The following SLC35D4 variants were observed in gnomAD, a reference collection of about 807,000 sequenced individuals.
The protein encoded by SLC35D4 is solute carrier family 35 member D4, also known as UDP-N-acetylglucosamine transporter SLC35D4.
At chr18:23,351,843 C>T in the SLC35D4 span, among the ~76,000 whole-genome samples, 3 of 152,304 alleles carry the variant, frequency 2.0e-5, no homozygotes, top group South Asian at 6.2e-4. Context: ...TCTAAGGTTT[C>T]ATAGAAATGC....
At chr18:23,349,664 T>C in the SLC35D4 span, among the ~76,000 whole-genome samples, 1 of 152,182 alleles carries the variant, frequency 6.6e-6, no homozygotes, top group Non-Finnish European at 1.5e-5. Flanking sequence ...AAAGCCTATT[T>C]TTTTAGATTG....
At chr18:23,351,450 A>G in the SLC35D4 span, among the ~76,000 whole-genome samples, 4 of 152,010 alleles carry the variant, frequency 2.6e-5, no homozygotes, top group Admixed American at 2.0e-4. Flanking sequence ...AAAAAAATGC[A>G]TGGGGGTGAA....
At chr18:23,250,113 G>C in the SLC35D4 span, among the ~76,000 whole-genome samples, 9 of 152,192 alleles carry the variant, frequency 5.9e-5, no homozygotes, top group African/African-American at 2.2e-4. Flanking sequence ...TGGTTGCTGC[G>C]AGGAGAGATC....
chr18:23,275,273 C>T, the SLC35D4 span, among the ~76,000 whole-genome samples: 1 of 152,132 alleles, frequency 6.6e-6, no homozygotes, highest in African/African-American at 2.4e-5. Flanking sequence ...ACCTTGGGCG[C>T]CTCCAGATTT....
the SLC35D4 span, among the ~76,000 whole-genome samples, chr18:23,389,926 C>A: frequency 5.9e-5 from 9 of 152,158 alleles, no homozygotes; most frequent in Non-Finnish European, 1.3e-4. Context: ...GTTCAGGAAA[C>A]CCCTAGTGAC....
the SLC35D4 span, among the ~76,000 whole-genome samples, chr18:23,340,432 G>A: frequency 7.2e-5 from 11 of 152,244 alleles, no homozygotes; most frequent in Admixed American, 6.5e-4. Context: ...AAGGGATAGG[G>A]GAGGCAAGTG....
At chr18:23,421,712 C>T in the SLC35D4 span, among the ~76,000 whole-genome samples, 61 of 147,664 alleles carry the variant, frequency 4.1e-4, no homozygotes, top group Admixed American at 1.8e-3. Flanking sequence ...AGTTTCGCTC[C>T]GTCGCCCAGG....
chr18:23,309,424 G>C, the SLC35D4 span, among the ~76,000 whole-genome samples: 1 of 152,012 alleles, frequency 6.6e-6, no homozygotes, highest in Non-Finnish European at 1.5e-5. Flanking sequence ...GCTGGTTATG[G>C]TATACAGAAT....
the SLC35D4 span, among the ~76,000 whole-genome samples, chr18:23,428,564 C>G: frequency 1.3e-5 from 2 of 152,142 alleles, no homozygotes; most frequent in African/African-American, 4.8e-5. Context: ...GTCACCCAAG[C>G]TGGAGTACAG....
At chr18:23,358,163 G>A in the SLC35D4 span, among the ~76,000 whole-genome samples, 1 of 152,224 alleles carries the variant, frequency 6.6e-6, no homozygotes, top group Non-Finnish European at 1.5e-5. Flanking sequence ...CTCTTTGGCA[G>A]CTGTGTGCTC....
At chr18:23,266,597 C>T in the SLC35D4 span, among the ~76,000 whole-genome samples, 110 of 152,320 alleles carry the variant, frequency 7.2e-4, 1 homozygote, top group African/African-American at 2.6e-3. Context: ...CTTGAAGAGG[C>T]ACAGTGGTCT....
chr18:23,425,167 C>G, the SLC35D4 span, among the ~76,000 whole-genome samples: 1 of 152,132 alleles, frequency 6.6e-6, no homozygotes, highest in African/African-American at 2.4e-5. Context: ...GTGGCATGAT[C>G]TCAGTTCATT....
At chr18:23,354,833 G>A in the SLC35D4 span, among the ~76,000 whole-genome samples, 20 of 152,156 alleles carry the variant, frequency 1.3e-4, no homozygotes, top group Non-Finnish European at 2.5e-4. Flanking sequence ...CTTTTGCATC[G>A]CTTAACTTCT....
chr18:23,280,243 G>A, the SLC35D4 span, among the ~76,000 whole-genome samples: 1 of 152,256 alleles, frequency 6.6e-6, no homozygotes, highest in Non-Finnish European at 1.5e-5. Flanking sequence ...TGGGGACCAA[G>A]CCCAGCACAA....
At chr18:23,246,580 ATGG>A in the SLC35D4 span, among the ~76,000 whole-genome samples, 1 of 151,582 alleles carries the variant, frequency 6.6e-6, no homozygotes, top group Non-Finnish European at 1.5e-5. Context: ...TTTAGTAGAG[ATGG>A]GGTTTCACCG....
At chr18:23,268,935 C>G in the SLC35D4 span, among the ~76,000 whole-genome samples, 1 of 152,184 alleles carries the variant, frequency 6.6e-6, no homozygotes, top group Non-Finnish European at 1.5e-5. Flanking sequence ...TTGCTGCCCT[C>G]TTAGGCAGTC....
the SLC35D4 span, among the ~76,000 whole-genome samples, chr18:23,304,012 T>G: frequency 6.6e-6 from 1 of 151,038 alleles, no homozygotes. Context: ...GGCCAGGAGT[T>G]TGAGATCAGC....
At chr18:23,343,981 C>T in the SLC35D4 span, among the ~76,000 whole-genome samples, 1 of 151,970 alleles carries the variant, frequency 6.6e-6, no homozygotes, top group South Asian at 2.1e-4. Context: ...TCACTGAAAC[C>T]TCCACCTCCC....
At chr18:23,266,458 CAGAT>C in the SLC35D4 span, among the ~76,000 whole-genome samples, 3 of 150,308 alleles carry the variant, frequency 2.0e-5, no homozygotes, top group Non-Finnish European at 3.0e-5. Context: ...GATTGGAGCA[CAGAT>C]AGGTGCCTAG....
Sources: gnomAD v4.1 joint callset for allele counts (sites outside exome capture counted in the v4.1 genomes callset) on GRCh38, gnomAD v4.1.1 for gene constraint, MANE v1.5 for transcripts, NCBI Gene and HGNC (gene_info 2026-07-23, HGNC 2026-07-21) for gene names.